PHF3: variants seen among roughly 807,000 people sequenced by gnomAD.
PHF3 encodes PHD finger protein 3.
A neutral mutation model predicts 178.4 loss-of-function variants in PHF3; 41 were observed. The observed-to-expected ratio is 0.23, with a 90% CI of 0.18 to 0.30. PHF3 has a LOEUF of 0.30. Among genes scored for constraint, PHF3 ranks in the 10% least tolerant of loss-of-function variants. The pLI, the probability that PHF3 is intolerant of heterozygous loss-of-function variation, is 1.00. For missense variants in PHF3, 2,346 were observed against 2,398.1 expected (o/e 0.98, Z 0.45); for synonymous variants, 842 against 800.5 (o/e 1.05, Z -0.88).
chr6:63,661,847 A>T (rs547663443), intron 2 of PHF3, among the ~76,000 whole-genome samples: 1 of 152,278 alleles, frequency 6.6e-6, no homozygotes, highest in East Asian at 1.9e-4. Flanking sequence ...TTAGGCTCTG[A>T]TAGGAGTGTT....
intron 4 of PHF3, among the ~76,000 whole-genome samples, chr6:63,691,233 G>C (rs964227852): frequency 6.6e-6 from 1 of 152,014 alleles, no homozygotes; most frequent in East Asian, 1.9e-4. Flanking sequence ...TTCCATTTTT[G>C]TTACTATTGT....
rs1001615170 is a variant in PHF3, at chr6:63,683,135, A to G, written c.407-994A>G. ...CCTATGGGAATTAGAAAGGGTCTCT[A>G]AGATAAGGATGACTATATAATTTTA... On this transcript the variant is annotated intron_variant, in intron 3 of 15. Transcript: ENST00000262043. Among the ~76,000 whole-genome samples, 4 of 152,158 alleles carry G rather than the reference A, an allele frequency of 2.6e-5. No individual in the cohort carries two copies. In the South Asian group the frequency reaches 8.3e-4, roughly 32 times the overall value.
At chr6:63,646,909 G>A in intron 2 of PHF3, 114 bp downstream of exon 2, 1 of 724,392 alleles carries the variant, frequency 1.4e-6, no homozygotes, top group South Asian at 3.6e-5. Flanking sequence ...AATGAGGAGG[G>A]TAGTAAATTT....
Position 63,717,758 on chromosome 6 carries a change from A to G in PHF3, c.*4050A>G, listed in dbSNP as rs1768233082. Reference sequence around the variant, plus strand: ...AGTGTGTGCATGTCCATGTGTGTATATATACATATATGTTAGCCCAAGCTG... The same window carrying G: ...AGTGTGTGCATGTCCATGTGTGTATGTATACATATATGTTAGCCCAAGCTG... On this transcript the variant is annotated 3_prime_UTR_variant, in exon 16 of 16. Coordinates refer to ENST00000262043, the MANE Select transcript of PHF3 (RefSeq NM_001370348.2). Among the ~76,000 whole-genome samples, 1 of 152,052 alleles carries G rather than the reference A, an allele frequency of 6.6e-6. No homozygotes were observed. The highest frequency in any genetic ancestry group is 1.5e-5 in the Non-Finnish European group (1 of 67,972).
intron 1 of PHF3, among the ~76,000 whole-genome samples, chr6:63,639,259 G>A (rs1451004643): frequency 1.3e-5 from 2 of 152,110 alleles, no homozygotes; most frequent in Admixed American, 1.3e-4. Context: ...AGACAGTTTC[G>A]AAGAGCGTGG....
At chr6:63,640,673 A>C (rs1351479222) in intron 1 of PHF3, among the ~76,000 whole-genome samples, 3 of 152,218 alleles carry the variant, frequency 2.0e-5, no homozygotes, top group Non-Finnish European at 2.9e-5. Flanking sequence ...AAACCAAACA[A>C]CTTTTAGTTC....
intron 2 of PHF3, among the ~76,000 whole-genome samples, chr6:63,671,208 G>T (rs1410003805): frequency 6.6e-6 from 1 of 151,734 alleles, no homozygotes; most frequent in East Asian, 1.9e-4. Flanking sequence ...AAGGTATAAT[G>T]ATTTTCTTTG....
intron 14 of PHF3, among the ~76,000 whole-genome samples, chr6:63,709,498 G>A (rs189216650): frequency 1.0e-3 from 154 of 152,050 alleles, no homozygotes; most frequent in Non-Finnish European, 1.7e-3. Flanking sequence ...TTTAGAGTAA[G>A]TATTGAAATT....
At chr6:63,688,918 TATATA>T (rs1463551901) in intron 4 of PHF3, among the ~76,000 whole-genome samples, 1 of 152,258 alleles carries the variant, frequency 6.6e-6, no homozygotes, top group Non-Finnish European at 1.5e-5. Flanking sequence ...CTGTAAAGAC[TATATA>T]AACGCTTTAT....
rs757788860 is a variant in PHF3 at position 63,694,723 on chromosome 6, C to A, written c.2639C>A (p.Ser880Tyr). The A allele has an allele frequency of 1.3e-6, 2 of 1,578,140 alleles. No homozygotes were observed. Among genetic ancestry groups the A allele is most frequent in the Admixed American group, 1.8e-5 (1 of 55,834 alleles). ...EEKSEKIPKE[S>Y]TTVTCTGEKA... is the part of the protein sequence containing the mutation. Reference sequence around the variant, plus strand: ...AAAAGTGAAAAAATACCGAAAGAGTCTACAACTGTTACTTGCACAGGAGAA... The same window carrying A: ...AAAAGTGAAAAAATACCGAAAGAGTATACAACTGTTACTTGCACAGGAGAA... Residue 880 changes from serine to tyrosine, a missense_variant, in exon 6 of 16, where the codon TCT (serine) becomes TAT (tyrosine). By Grantham distance (144) the Ser-to-Tyr change is moderately radical (BLOSUM62 -2). Coordinates refer to ENST00000262043, the MANE Select transcript of PHF3 (RefSeq NM_001370348.2).
rs763472069 is a variant in PHF3, at chr6:63,706,801, T to G, written c.3636T>G (p.Phe1212Leu). ...GATTGAACTTCATCTGGAAAGGTTT[T>G]ATCAACATGCCTTCTGTGGCAAAAT... Reference protein sequence around the residue: ...LARLNFIWKGFINMPSVAKFV... With the variant: ...LARLNFIWKGLINMPSVAKFV... Residue 1212 changes from phenylalanine (F) to leucine (L), a missense_variant, in exon 13 of 16, where the codon TTT becomes TTG. Coordinates refer to ENST00000262043, the MANE Select transcript of PHF3 (RefSeq NM_001370348.2). 1 of 1,614,088 alleles carries G rather than the reference T, an allele frequency of 6.2e-7. No individual in the cohort carries two copies. The highest frequency in any genetic ancestry group is 1.1e-5 in the South Asian group (1 of 91,084).
At chr6:63,657,630 G>GAA (rs1484560810) in intron 2 of PHF3, among the ~76,000 whole-genome samples, 1 of 152,192 alleles carries the variant, frequency 6.6e-6, no homozygotes, top group African/African-American at 2.4e-5. Flanking sequence ...GGAGGAGGAA[G>GAA]AACAGGGGCT....
At chr6:63,698,757 C>G (rs1261815587) in intron 8 of PHF3, 152 bp downstream of exon 8, 23 of 535,848 alleles carry the variant, frequency 4.3e-5, no homozygotes, top group Non-Finnish European at 9.5e-6. Flanking sequence ...AGTCTTTTTG[C>G]TACTGAATAA....
At chr6:63,647,171 T>G (rs1452438615) in intron 2 of PHF3, among the ~76,000 whole-genome samples, 1 of 152,106 alleles carries the variant, frequency 6.6e-6, no homozygotes, top group South Asian at 2.1e-4. Flanking sequence ...TTGAGACATG[T>G]GGTCACCTTA....
Position 63,698,159 on chromosome 6 carries a change from T to C in PHF3, c.2681-64T>C, listed in dbSNP as rs902318494. 7.2e-5 allele frequency: 95 copies of C among 1,319,454 alleles called. 1 individual carries two copies. The Middle Eastern group carries it at 8.0e-4, about 11-fold the overall frequency. The allele number at this position is 1,319,454 out of a possible 1,614,324, so 81.7% of individuals were successfully genotyped here. ...TTAATCAGTTTTGTTTGTAAACTTA[T>C]TCATTAAAAAGGAAAGATATTTTTA... On this transcript the variant is annotated intron_variant, in intron 6 of 15. Transcript: ENST00000262043.
rs1238834196 is a variant in PHF3 at position 63,706,136 on chromosome 6, T to C, written c.3475T>C (p.Leu1159=). 1 of 1,613,900 alleles carries C rather than the reference T, an allele frequency of 6.2e-7. No individual in the cohort carries two copies. The highest frequency in any genetic ancestry group is 1.3e-5 in the African/African-American group (1 of 74,936). Residue 1159 remains leucine, a synonymous_variant, in exon 12 of 16, where the codon TTA becomes CTA. Coordinates refer to ENST00000262043, the MANE Select transcript of PHF3 (RefSeq NM_001370348.2). ...DNEAESIADA[L]SSTSNILASE... ...TGAAGCAGAAAGTATAGCAGATGCA[T>C]TATCTTCAACCTCAAATATTTTGGC...
intron 1 of PHF3, among the ~76,000 whole-genome samples, chr6:63,641,761 G>T (rs531830756): frequency 4.0e-5 from 6 of 151,338 alleles, no homozygotes; most frequent in Non-Finnish European, 7.4e-5. Context: ...CCTCAGCCTC[G>T]GATTACAGGC....
At chr6:63,669,332 A>G (rs1561953031) in intron 2 of PHF3, among the ~76,000 whole-genome samples, 1 of 152,202 alleles carries the variant, frequency 6.6e-6, no homozygotes, top group Non-Finnish European at 1.5e-5. Context: ...ACTTATTAGC[A>G]ACATCCTTAG....
intron 4 of PHF3, 125 bp from the exon 5 acceptor site, chr6:63,691,612 A>G (rs1304695708): frequency 7.6e-6 from 6 of 786,014 alleles, no homozygotes; most frequent in South Asian, 1.8e-5. Context: ...TATGGAACGG[A>G]TAGAGATGGA....
Sources: allele counts gnomAD v4.1 joint callset (sites outside exome capture counted in the v4.1 genomes callset), GRCh38; gene constraint gnomAD v4.1.1; transcripts MANE v1.5; gene names NCBI Gene and HGNC (gene_info 2026-07-23, HGNC 2026-07-21).